The following HMCN1 variants were observed in gnomAD, a reference collection of about 807,000 sequenced individuals.
HMCN1 encodes the protein hemicentin 1.
Under a neutral mutation model 625.9 loss-of-function variants are expected in HMCN1, and 321 were observed. That is an observed-to-expected ratio of 0.51 (90% CI 0.47 to 0.56). The LOEUF is 0.56. Among genes scored for constraint, HMCN1 ranks in the 20% least tolerant of loss-of-function variants. The pLI is 0.00. For synonymous variants in HMCN1, 2,425 were observed against 2,417.6 expected, an observed-to-expected ratio of 1.00 and a Z score of -0.09; for missense variants, 6,588 against 6,887.3, an observed-to-expected ratio of 0.96 and a Z score of 1.54.
chr1:186,152,759 T>G lies in HMCN1; in HGVS notation c.14906T>G (p.Leu4969Trp). ...TQVEFATGEI[L>W]QMSHIARGLD... Reference sequence around the variant, plus strand: ...GTCTTGTAATTCCCAGGAGAAATCTTGCAGATGAGTCATATTGCCCGGGGC... The same window carrying G: ...GTCTTGTAATTCCCAGGAGAAATCTGGCAGATGAGTCATATTGCCCGGGGC... The change falls in exon 96 of 107, where the codon TTG becomes TGG. Residue 4969 changes from leucine (L) to tryptophan (W), a missense_variant. By Grantham distance (61) the Leu-to-Trp change is moderately conservative (BLOSUM62 -2). This residue lies in a region of HMCN1 where 1,954 missense variants were observed against 2,013.1 expected (regional missense o/e 0.97). Transcript: ENST00000271588. 6.2e-7 allele frequency: 1 copy of G among 1,613,912 alleles called. No individual in the cohort carries two copies.
chr1:185,858,585 AATTTTTTTTTTTTTTTTTTTT>A (rs1662631047), intron 2 of HMCN1, among the ~76,000 whole-genome samples: 1 of 44,874 alleles, frequency 2.2e-5, no homozygotes, highest in African/African-American at 9.6e-5. Context: ...ACACCCAGCT[AATTTTTTTTTTTTTTTTTTTT>A]TTTTTTTTTT....
intron 104 of HMCN1, among the ~76,000 whole-genome samples, chr1:186,181,833 G>A (rs896710556): frequency 6.6e-6 from 1 of 151,918 alleles, no homozygotes; most frequent in African/African-American, 2.4e-5. Context: ...ATATTTTGGT[G>A]GTTTAGGATC....
intron 36 of HMCN1, among the ~76,000 whole-genome samples, chr1:186,029,148 GA>G (rs200518773): frequency 9.2e-4 from 137 of 148,150 alleles, no homozygotes; most frequent in Middle Eastern, 3.5e-3. Flanking sequence ...AAGTCTTTCA[GA>G]AAAAAAAAAT....
chr1:186,182,066 A>T (rs1342981804), intron 104 of HMCN1, 102 bp from the exon 105 acceptor site: 1 of 1,290,766 alleles, frequency 7.7e-7, no homozygotes, highest in African/African-American at 1.5e-5. Flanking sequence ...AATCACCAAG[A>T]AGTTTTTCTA....
At chr1:185,962,455 T>C in intron 11 of HMCN1, 63 bp from the exon 12 acceptor site, 3 of 1,365,364 alleles carry the variant, frequency 2.2e-6, no homozygotes, top group Admixed American at 1.7e-5. Flanking sequence ...TCTGCTAACA[T>C]AGGAAGCTTC....
At chr1:185,751,805 T>C (rs1654833020) in intron 1 of HMCN1, among the ~76,000 whole-genome samples, 1 of 151,842 alleles carries the variant, frequency 6.6e-6, no homozygotes, top group Non-Finnish European at 1.5e-5. Context: ...ATCATAGCTG[T>C]TTTTTTTCAG....
In HMCN1 at chr1:185,734,703, C is replaced by A. The variant is rs1483018694; in HGVS notation, c.-77C>A. On this transcript the variant is annotated 5_prime_UTR_variant, in exon 1 of 107. Transcript: ENST00000271588. The stretch of plus-strand genomic sequence containing the variant: ...TCTGATGAGTTACTCTGAGAGGAAA[C>A]CCTCTGCCTGTTGTTGAGGAGGACT... 5 of 1,413,592 alleles carry A rather than the reference C, an allele frequency of 3.5e-6. No individual in the cohort carries two copies. The highest frequency in any genetic ancestry group is 4.5e-5 in the East Asian group (2 of 43,964). 87.6% of individuals were successfully genotyped at this position (1,413,592 alleles called of 1,614,324 possible).
At chr1:186,082,040 G>A (rs1659198459) in intron 56 of HMCN1, among the ~76,000 whole-genome samples, 1 of 152,076 alleles carries the variant, frequency 6.6e-6, no homozygotes, top group South Asian at 2.1e-4. Context: ...AGAGAAAGAG[G>A]TTTATTACTT....
chr1:185,991,628 C>T (rs1195810135), intron 22 of HMCN1, among the ~76,000 whole-genome samples: 1 of 152,024 alleles, frequency 6.6e-6, no homozygotes, highest in Non-Finnish European at 1.5e-5. Context: ...TCCATTTATT[C>T]ATTTTAACTG....
At chr1:186,152,628 T>C in intron 95 of HMCN1, 122 bp from the exon 96 acceptor site, 2 of 1,145,084 alleles carry the variant, frequency 1.7e-6, no homozygotes, top group South Asian at 2.5e-5. Flanking sequence ...GTTCTCATCA[T>C]CTATACTTAT....
intron 64 of HMCN1, among the ~76,000 whole-genome samples, chr1:186,092,024 A>T (rs1382011055): frequency 6.6e-6 from 1 of 151,950 alleles, no homozygotes; most frequent in Non-Finnish European, 1.5e-5. Context: ...CAAGTACTAC[A>T]TATTTGATGG....
At chr1:186,083,500 T>TAAAAAAAA (rs58407499) in intron 57 of HMCN1, among the ~76,000 whole-genome samples, 106 of 123,618 alleles carry the variant, frequency 8.6e-4, no homozygotes, top group African/African-American at 2.6e-3. Context: ...CACTTTTTGC[T>TAAAAAAAA]AAAAAAAAAA....
intron 4 of HMCN1, among the ~76,000 whole-genome samples, chr1:185,892,384 G>C (rs939572102): frequency 1.3e-5 from 2 of 151,690 alleles, no homozygotes; most frequent in African/African-American, 4.9e-5. Context: ...GAGGAGAGGC[G>C]CTCTGATTTT....
chr1:185,847,516 A>T (rs1661896501), intron 2 of HMCN1, among the ~76,000 whole-genome samples: 1 of 152,218 alleles, frequency 6.6e-6, no homozygotes, highest in Admixed American at 6.5e-5. Context: ...GTCACAAACA[A>T]ATGAAGCCCT....
chr1:186,146,007 C>G lies in HMCN1; in HGVS notation c.14608+84C>G, dbSNP rs999309687. ...AGGTGCCACAAATTACAAAACAATG[C>G]CAACCCTGAGAGGTGGAATTAGAAA... On this transcript the variant is annotated intron_variant, in intron 93 of 106. Coordinates refer to ENST00000271588, the MANE Select transcript of HMCN1 (RefSeq NM_031935.3). 2.9e-6 allele frequency: 4 copies of G among 1,373,038 alleles called. No homozygotes were observed. In the African/African-American group the frequency reaches 4.3e-5, roughly 15 times the overall value. The allele number at this position is 1,373,038 out of a possible 1,614,324, so 85.1% of individuals were successfully genotyped here.
intron 9 of HMCN1, among the ~76,000 whole-genome samples, chr1:185,927,845 G>A (rs999742911): frequency 6.6e-6 from 1 of 151,924 alleles, no homozygotes; most frequent in Non-Finnish European, 1.5e-5. Flanking sequence ...GTAGATCATC[G>A]AGCTCTTTGA....
At chr1:185,900,032 T>TC (rs1199861151) in intron 4 of HMCN1, among the ~76,000 whole-genome samples, 1 of 151,936 alleles carries the variant, frequency 6.6e-6, no homozygotes, top group Non-Finnish European at 1.5e-5. Context: ...TTCCTTTTTT[T>TC]CTCCTCTCTT....
chr1:185,830,205 C>T (rs1161532160), intron 1 of HMCN1, among the ~76,000 whole-genome samples: 1 of 151,970 alleles, frequency 6.6e-6, no homozygotes, highest in South Asian at 2.1e-4. Flanking sequence ...ATTACCTGTT[C>T]ACTCTGATGA....
intron 97 of HMCN1, 136 bp downstream of exon 97, chr1:186,154,123 A>C: frequency 1.3e-6 from 1 of 749,146 alleles, no homozygotes; most frequent in East Asian, 2.7e-5. Context: ...CCTTTTTGTT[A>C]AGTAAAGCCC....
Sources: gnomAD v4.1 joint callset for allele counts (sites outside exome capture counted in the v4.1 genomes callset) on GRCh38, gnomAD v4.1.1 for gene constraint, gnomAD v4.1.1 regional missense constraint, MANE v1.5 for transcripts, NCBI Gene and HGNC (gene_info 2026-07-23, HGNC 2026-07-21) for gene names.